Variants in MDN1 observed in about 807,000 individuals in gnomAD.
MDN1 encodes midasin AAA ATPase 1, also known as midasin.
A neutral mutation model predicts 669.2 loss-of-function variants in MDN1; 266 were observed. The observed-to-expected ratio is 0.40, with a 90% confidence interval of 0.36 to 0.44. The LOEUF (loss-of-function observed/expected upper bound fraction) is 0.44, where lower values mean the gene tolerates loss of function less well. MDN1 is among the 20% of genes least tolerant of loss of function. MDN1 has a pLI of 1.00. For synonymous variants in MDN1, 2,385 were observed against 2,457.1 expected, an observed-to-expected ratio of 0.97 and a Z score of 0.87; for missense variants, 5,940 against 6,754.0, an observed-to-expected ratio of 0.88 and a Z score of 4.22.
At chr6:89,667,692 A>G (rs1386178132) in intron 84 of MDN1, among the ~76,000 whole-genome samples, 1 of 152,208 alleles carries the variant, frequency 6.6e-6, no homozygotes. Flanking sequence ...ATCACTTAAG[A>G]TAGCCAGGCC....
chr6:89,813,037 T>C (rs1768546871), intron 1 of MDN1, among the ~76,000 whole-genome samples: 1 of 151,832 alleles, frequency 6.6e-6, no homozygotes, highest in African/African-American at 2.4e-5. Context: ...GCCTCCCAGG[T>C]TCAAGAGATT....
rs1816410895 is a variant in MDN1 at position 89,743,603 on chromosome 6, C to G, written c.4290G>C (p.Arg1430=). Residue 1430 remains arginine, a synonymous_variant, in exon 30 of 102, where the codon CGG becomes CGC. Coordinates refer to ENST00000369393, the MANE Select transcript of MDN1 (RefSeq NM_014611.3). Reference sequence around the variant, plus strand: ...TGTCGTTTGGCTTTTGTCTCACTGGCCGCAGGCCACCCAGGAAGTCTGATG... The same window carrying G: ...TGTCGTTTGGCTTTTGTCTCACTGGGCGCAGGCCACCCAGGAAGTCTGATG... ...METSDFLGGL[R]PVRQKPNDKE... 1.2e-6 allele frequency: 2 copies of G among 1,614,004 alleles called. No homozygotes were observed. The highest frequency in any genetic ancestry group is 4.5e-5 in the East Asian group (2 of 44,882).
chr6:89,663,558 C>T lies in MDN1; in HGVS notation c.14237-591G>A, dbSNP rs146946384. 2.6e-5 allele frequency among the ~76,000 whole-genome samples: 4 copies of T among 152,282 alleles called. No individual in the cohort carries two copies. In the East Asian group the frequency reaches 7.7e-4, roughly 29 times the overall value. The stretch of plus-strand genomic sequence containing the variant: ...GGCAAGGGCTGAATTATGGTACAAA[C>T]ATATGACAGATGATGATGTACTTTA... On this transcript the variant is annotated intron_variant, in intron 85 of 101. Coordinates refer to ENST00000369393, the MANE Select transcript of MDN1 (RefSeq NM_014611.3).
At position 89,739,426 on chromosome 6, in the gene MDN1, T is replaced by C. The variant is rs377693529; in HGVS notation, c.4593+808A>G. ...TCTCTTCAGAGCATATCTTGAAGCA[T>C]AGAGACAATTTTCATCTTATGATAC... is the stretch of plus-strand genomic sequence containing the variant. On this transcript the variant is annotated intron_variant, in intron 32 of 101. Coordinates refer to ENST00000369393, the MANE Select transcript of MDN1 (RefSeq NM_014611.3). 8.3e-4 allele frequency among the ~76,000 whole-genome samples: 127 copies of C among 152,296 alleles called. 1 individual carries two copies. The highest frequency in any genetic ancestry group is 3.3e-3 in the East Asian group (17 of 5,192).
At position 89,813,567 on chromosome 6, in the gene MDN1, C is replaced by A. The variant is rs375988414; in HGVS notation, c.102+5939G>T. ...TCTGTCTCAAAAAAAAAAAAAAAAACAAAAAAGAAAGAAATTAGCCAGGCA... is the reference window on the plus strand; with the variant it reads ...TCTGTCTCAAAAAAAAAAAAAAAAAAAAAAAAGAAAGAAATTAGCCAGGCA... On this transcript the variant is annotated intron_variant, in intron 1 of 101. Transcript: ENST00000369393. Among the ~76,000 whole-genome samples the A allele has an allele frequency of 9.5e-3, 1,279 of 134,998 alleles. 7 individuals carry two copies. The highest frequency in any genetic ancestry group is 0.023 in the African/African-American group (845 of 37,276). 88.6% of individuals were successfully genotyped at this position (134,998 alleles called of 152,430 possible).
chr6:89,695,706 A>T lies in MDN1; in HGVS notation c.9670T>A (p.Trp3224Arg). ...ATCTGGAGCAAGCCGAGGCTCACCC[A>T]GAGGCTCCCACGCTGGGCTGGCTCA... ...LPEPAQRGSL[W>R]VSLGLLQIQT... The change falls in exon 61 of 102, where the codon TGG becomes AGG. Residue 3224 changes from tryptophan to arginine, a missense_variant. Physicochemically the swap from Trp to Arg is moderately radical, Grantham distance 101. Coordinates refer to ENST00000369393, the MANE Select transcript of MDN1 (RefSeq NM_014611.3). The surrounding 1 kb of genome is among the most constrained non-coding windows in gnomAD (Gnocchi z 4.1). 1 of 1,613,780 alleles carries T rather than the reference A, an allele frequency of 6.2e-7. No homozygotes were observed. Among genetic ancestry groups the T allele is most frequent in the African/African-American group, 1.3e-5 (1 of 75,074 alleles).
At chr6:89,682,932 CA>C (rs1271015850) in intron 73 of MDN1, among the ~76,000 whole-genome samples, 199 bp downstream of exon 73, 1 of 140,124 alleles carries the variant, frequency 7.1e-6, no homozygotes, top group Non-Finnish European at 1.6e-5. Flanking sequence ...GAATCTGTCT[CA>C]AAAAAAAGCA....
intron 1 of MDN1, among the ~76,000 whole-genome samples, chr6:89,807,883 TG>T: frequency 6.6e-6 from 1 of 152,320 alleles, no homozygotes; most frequent in South Asian, 2.1e-4. Flanking sequence ...ATTGCTAAGA[TG>T]GTATTTTTTG....
intron 92 of MDN1, among the ~76,000 whole-genome samples, chr6:89,654,835 C>G (rs1323814692): frequency 2.0e-5 from 3 of 152,160 alleles, no homozygotes; most frequent in Admixed American, 1.3e-4. Flanking sequence ...AAACCTCACA[C>G]TGTACCCCAC....
chr6:89,747,710 T>G (rs979697665), intron 26 of MDN1, among the ~76,000 whole-genome samples: 2 of 149,852 alleles, frequency 1.3e-5, no homozygotes, highest in African/African-American at 4.9e-5. Flanking sequence ...GCTAACATGG[T>G]GAAACCCCGT....
intron 46 of MDN1, 91 bp from the exon 47 acceptor site, chr6:89,713,387 TCCTGTCAACC>T: frequency 8.6e-7 from 1 of 1,157,794 alleles, no homozygotes. Context: ...CAAACCTCCT[TCCTGTCAACC>T]CCACCCAAAT....
chr6:89,791,714 G>A (rs2128326738), intron 5 of MDN1, among the ~76,000 whole-genome samples: 1 of 152,214 alleles, frequency 6.6e-6, no homozygotes, highest in South Asian at 2.1e-4. Flanking sequence ...GCTTACACCT[G>A]TAATCCCAGC....
intron 94 of MDN1, 121 bp from the exon 95 acceptor site, chr6:89,652,402 CA>C (rs1808944027): frequency 1.4e-6 from 1 of 730,118 alleles, no homozygotes; most frequent in Non-Finnish European, 2.3e-6. Flanking sequence ...TCCTGAGATT[CA>C]AAACTTAATT....
At chr6:89,682,141 A>C (rs1811651673) in intron 73 of MDN1, among the ~76,000 whole-genome samples, 2 of 152,252 alleles carry the variant, frequency 1.3e-5, no homozygotes, top group Admixed American at 1.3e-4. Flanking sequence ...TATTTACACC[A>C]CAGTAATCAG....
chr6:89,658,745 A>ATT lies in MDN1; in HGVS notation c.14885_14886insAA (p.Asp4962GlufsTer161), dbSNP rs1809510537. ...GCTGAGCAGCATCTCCATCTTGGTC[A>ATT]TCAGCTCCTGTGTCCATTTCCTCTT... On this transcript the variant is annotated frameshift_variant, in exon 89 of 102. Transcript: ENST00000369393. LOFTEE classifies it high-confidence loss of function. 6.2e-7 allele frequency: 1 copy of ATT among 1,613,970 alleles called. No individual in the cohort carries two copies. Among genetic ancestry groups the ATT allele is most frequent in the Non-Finnish European group, 8.5e-7 (1 of 1,180,012 alleles).
Position 89,707,354 on chromosome 6 carries a change from T to C in MDN1, c.8014+7A>G. 6.4e-7 allele frequency: 1 copy of C among 1,572,926 alleles called. No homozygotes were observed. Among genetic ancestry groups the C allele is most frequent in the Non-Finnish European group, 8.8e-7 (1 of 1,142,722 alleles). The stretch of plus-strand genomic sequence containing the variant: ...AATTAGAGAACACAAAAGGTAAATG[T>C]TCTTACCTTGATGGAATTCAAAGGA... On this transcript the variant is annotated splice_region_variant and intron_variant, in intron 52 of 101. Coordinates refer to ENST00000369393, the MANE Select transcript of MDN1 (RefSeq NM_014611.3).
At chr6:89,802,915 A>G (rs1450183547) in intron 2 of MDN1, among the ~76,000 whole-genome samples, 1 of 152,144 alleles carries the variant, frequency 6.6e-6, no homozygotes, top group Non-Finnish European at 1.5e-5. Context: ...AGATTTATAG[A>G]ATTTGGAAGG....
intron 1 of MDN1, among the ~76,000 whole-genome samples, chr6:89,817,660 A>T (rs192710146): frequency 1.3e-5 from 2 of 152,356 alleles, no homozygotes; most frequent in East Asian, 3.9e-4. Flanking sequence ...GGCCCAGACA[A>T]TAACAACAGA....
chr6:89,660,947 C>T (rs1441447454), intron 88 of MDN1, among the ~76,000 whole-genome samples: 1 of 152,156 alleles, frequency 6.6e-6, no homozygotes. Context: ...AAATGGACAA[C>T]AAAGGCACGA....
Sources: allele counts gnomAD v4.1 joint callset (sites outside exome capture counted in the v4.1 genomes callset), GRCh38; gene constraint gnomAD v4.1.1; non-coding constraint Gnocchi (gnomAD v3.1); transcripts MANE v1.5; gene names NCBI Gene and HGNC (gene_info 2026-07-23, HGNC 2026-07-21).